TXNDC9: variants seen among roughly 807,000 people sequenced by gnomAD.
TXNDC9 encodes thioredoxin domain containing 9, also known as thioredoxin domain-containing protein 9.
In TXNDC9, 7 loss-of-function variants were observed where a neutral mutation model predicts 23.0. The ratio of observed to expected loss-of-function variants is 0.30; its 90% confidence interval spans 0.17 to 0.57. The LOEUF is 0.57. Ranked by LOEUF, TXNDC9 falls within the 20% of genes least tolerant of loss-of-function variation. TXNDC9 has a pLI of 0.90. For synonymous variants in TXNDC9, 72 were observed against 90.6 expected (o/e 0.79, Z 1.17); for missense variants, 198 against 252.6 (o/e 0.78, Z 1.47).
At chr2:99,329,256 T>C (rs1462630902) in intron 2 of TXNDC9, among the ~76,000 whole-genome samples, 1 of 152,210 alleles carries the variant, frequency 6.6e-6, no homozygotes, top group Non-Finnish European at 1.5e-5. Context: ...ACATCACATA[T>C]TGCCTAAGTT....
the TXNDC9 span, among the ~76,000 whole-genome samples, chr2:99,307,136 T>C: frequency 7.0e-5 from 9 of 128,912 alleles, no homozygotes; most frequent in African/African-American, 1.9e-4. Flanking sequence ...CTCTCTCTCT[T>C]CCTTCCTTGT....
intron 3 of TXNDC9, among the ~76,000 whole-genome samples, chr2:99,325,095 T>C (rs1259016786): frequency 6.6e-6 from 1 of 152,226 alleles, no homozygotes; most frequent in East Asian, 1.9e-4. Flanking sequence ...TAAATAGCTA[T>C]AGGCCTTTAC....
the TXNDC9 span, among the ~76,000 whole-genome samples, chr2:99,308,587 G>C: frequency 2.0e-5 from 3 of 152,098 alleles, no homozygotes; most frequent in African/African-American, 7.2e-5. Flanking sequence ...ATGTGTGTGT[G>C]TGTGTGTACG....
At chr2:99,308,017 TAA>T in the TXNDC9 span, among the ~76,000 whole-genome samples, 1 of 152,154 alleles carries the variant, frequency 6.6e-6, no homozygotes, top group African/African-American at 2.4e-5. Context: ...GCTAACAGAC[TAA>T]AAAGACAGAT....
At chr2:99,323,909 G>C (rs899295506) in intron 3 of TXNDC9, among the ~76,000 whole-genome samples, 1 of 152,140 alleles carries the variant, frequency 6.6e-6, no homozygotes, top group African/African-American at 2.4e-5. Flanking sequence ...GCAGTGGCGC[G>C]ATCTCGGCTC....
rs777101471 is a variant in TXNDC9 at position 99,333,139 on chromosome 2, C to T, written c.72G>A (p.Leu24=). The change falls in exon 2 of 5, where the codon CTG becomes CTA. Residue 24 remains leucine, a synonymous_variant. Coordinates refer to ENST00000264255, the MANE Select transcript of TXNDC9 (RefSeq NM_005783.4). ...TTTCAGAATCCAAATGTTCTTCCAC[C>T]AGTTTGGTAGTCTGAAGCAGCTGAT... is the stretch of plus-strand genomic sequence containing the variant. ...LEHQLLQTTK[L]VEEHLDSEIQ... 18 of 1,613,994 alleles carry T rather than the reference C, an allele frequency of 1.1e-5. No individual in the cohort carries two copies. The highest frequency in any genetic ancestry group is 6.7e-5 in the Admixed American group (4 of 59,990).
intron 4 of TXNDC9, chr2:99,321,381 G>T (rs767769462): frequency 6.6e-6 from 1 of 152,206 alleles, no homozygotes; most frequent in East Asian, 1.9e-4. Flanking sequence ...AGTGGACAAA[G>T]AAATGGAAGT....
intron 2 of TXNDC9, among the ~76,000 whole-genome samples, chr2:99,330,290 CAAAAAAAAAAAAA>C (rs528602849): frequency 1.8e-4 from 5 of 28,166 alleles, no homozygotes; most frequent in East Asian, 1.2e-3. Context: ...ACTCTTATCT[CAAAAAAAAAAAAA>C]AAAAAAAAAA....
At chr2:99,315,300 C>T (rs1291369545), downstream of TXNDC9, among the ~76,000 whole-genome samples, 3 of 152,052 alleles carry the variant, frequency 2.0e-5, no homozygotes, top group African/African-American at 2.4e-5. Context: ...CTCCTGACCT[C>T]GTGATCTGCC....
At chr2:99,329,866 C>G (rs969376594) in intron 2 of TXNDC9, among the ~76,000 whole-genome samples, 3 of 151,952 alleles carry the variant, frequency 2.0e-5, no homozygotes, top group African/African-American at 7.3e-5. Context: ...TCCTCGGGGG[C>G]TGAGGCACAA....
intron 3 of TXNDC9, among the ~76,000 whole-genome samples, chr2:99,325,595 T>C (rs1574906875): frequency 6.6e-6 from 1 of 152,206 alleles, no homozygotes; most frequent in African/African-American, 2.4e-5. Flanking sequence ...AATGTATTTA[T>C]TGACCACCTA....
intron 3 of TXNDC9, among the ~76,000 whole-genome samples, chr2:99,325,395 T>A (rs1271347699): frequency 6.6e-6 from 1 of 152,174 alleles, no homozygotes; most frequent in Non-Finnish European, 1.5e-5. Flanking sequence ...TTTCCATACA[T>A]GAAATACAGG....
chr2:99,327,913 T>C (rs893542019), intron 2 of TXNDC9, among the ~76,000 whole-genome samples: 39 of 150,798 alleles, frequency 2.6e-4, no homozygotes, highest in African/African-American at 9.0e-4. Context: ...GCCTCCCGAG[T>C]AGCTGGGACT....
At chr2:99,311,486 G>A in the TXNDC9 span, among the ~76,000 whole-genome samples, 14 of 151,780 alleles carry the variant, frequency 9.2e-5, no homozygotes, top group African/African-American at 3.1e-4. Context: ...TGGTGGGGGA[G>A]GGGGTCTCAC....
chr2:99,317,807 CA>C (rs2094192609), downstream of TXNDC9, among the ~76,000 whole-genome samples: 1 of 152,068 alleles, frequency 6.6e-6, no homozygotes, highest in Non-Finnish European at 1.5e-5. Context: ...TGCTCTGGGG[CA>C]CAAGTCGCCG....
chr2:99,322,456 A>G, intron 3 of TXNDC9: 1 of 1,302,964 alleles, frequency 7.7e-7, no homozygotes, highest in Non-Finnish European at 1.0e-6. Flanking sequence ...CTCTTTTAAA[A>G]TATTAAATAT....
chr2:99,333,074 C>G lies in TXNDC9; in HGVS notation c.137G>C (p.Arg46Pro). 6.2e-7 allele frequency: 1 copy of G among 1,614,038 alleles called. No homozygotes were observed. Among genetic ancestry groups the G allele is most frequent in the Non-Finnish European group, 8.5e-7 (1 of 1,180,016 alleles). Residue 46 changes from arginine to proline, a missense_variant, in exon 2 of 5, where the codon CGC (arginine) becomes CCC (proline). Coordinates refer to ENST00000264255, the MANE Select transcript of TXNDC9 (RefSeq NM_005783.4). ...TGCCTGGAGTCTCTTTTCTTTAAGGCGTTCCAATTCATCCTCATCCATCTG... is the reference window on the plus strand; with the variant it reads ...TGCCTGGAGTCTCTTTTCTTTAAGGGGTTCCAATTCATCCTCATCCATCTG... Reference protein sequence around the residue: ...LDQMDEDELERLKEKRLQALR... With the variant: ...LDQMDEDELEPLKEKRLQALR...
chr2:99,309,305 T>G, the TXNDC9 span, among the ~76,000 whole-genome samples: 1 of 151,556 alleles, frequency 6.6e-6, no homozygotes, highest in South Asian at 2.1e-4. Context: ...CTCAGGCAGG[T>G]CGAGGGTGGA....
At chr2:99,329,236 G>A (rs928588014) in intron 2 of TXNDC9, among the ~76,000 whole-genome samples, 9 of 152,122 alleles carry the variant, frequency 5.9e-5, no homozygotes, top group African/African-American at 2.2e-4. Flanking sequence ...TTCCCACGTG[G>A]GCCCTTCAAA....
Sources: gnomAD v4.1 joint callset for allele counts (sites outside exome capture counted in the v4.1 genomes callset) on GRCh38, gnomAD v4.1.1 for gene constraint, MANE v1.5 for transcripts, NCBI Gene and HGNC (gene_info 2026-07-23, HGNC 2026-07-21) for gene names.